The following TMEM108 variants were observed in gnomAD, a reference collection of about 807,000 sequenced individuals.
TMEM108 encodes cancer/testis antigen 124.
In TMEM108, 12 loss-of-function variants were observed where a neutral mutation model predicts 35.1. The ratio of observed to expected loss-of-function variants is 0.34; its 90% CI spans 0.22 to 0.55. The LOEUF is 0.55. Among genes scored for constraint, TMEM108 ranks in the 20% least tolerant of loss-of-function variants. TMEM108 has a pLI of 0.89. For missense variants in TMEM108, 680 were observed against 753.3 expected, an observed-to-expected ratio of 0.90 and a Z score of 1.14; for synonymous variants, 287 against 308.6, an observed-to-expected ratio of 0.93 and a Z score of 0.73.
intron 2 of TMEM108, among the ~76,000 whole-genome samples, chr3:133,194,884 G>A (rs1945554609): frequency 6.6e-6 from 1 of 152,166 alleles, no homozygotes; most frequent in Admixed American, 6.5e-5. Flanking sequence ...TACTGACATA[G>A]TGAGATACAG....
At chr3:133,168,263 A>G (rs1422288910) in intron 2 of TMEM108, among the ~76,000 whole-genome samples, 1 of 152,202 alleles carries the variant, frequency 6.6e-6, no homozygotes, top group African/African-American at 2.4e-5. Context: ...CTGTAACAGA[A>G]TACCACAGAC....
intron 3 of TMEM108, among the ~76,000 whole-genome samples, chr3:133,370,921 T>TGTGTGTGTGTGTGC (rs142623622): frequency 3.6e-5 from 5 of 139,290 alleles, no homozygotes; most frequent in African/African-American, 1.1e-4. Context: ...TGTGTGTGTG[T>TGTGTGTGTGTGTGC]GCCAGGAAGC....
intron 4 of TMEM108, chr3:133,386,665 G>C: frequency 7.1e-7 from 1 of 1,411,474 alleles, no homozygotes; most frequent in Non-Finnish European, 9.2e-7. Flanking sequence ...AGGAGAAACA[G>C]AGCAGTTGAA....
chr3:133,053,797 C>T (rs867420292), intron 2 of TMEM108, among the ~76,000 whole-genome samples: 7 of 152,310 alleles, frequency 4.6e-5, no homozygotes, highest in African/African-American at 7.2e-5. Context: ...TGTGGTTCAG[C>T]ATTTCCATTT....
At chr3:133,361,205 A>C (rs1232054929) in intron 3 of TMEM108, among the ~76,000 whole-genome samples, 1 of 152,238 alleles carries the variant, frequency 6.6e-6, no homozygotes, top group Non-Finnish European at 1.5e-5. Flanking sequence ...GCATTGCGAC[A>C]GACCCACTAG....
chr3:133,098,404 G>A (rs1386195963), intron 2 of TMEM108, among the ~76,000 whole-genome samples: 1 of 152,162 alleles, frequency 6.6e-6, no homozygotes, highest in Non-Finnish European at 1.5e-5. Flanking sequence ...TCAGATGTGG[G>A]TGGGGACACA....
chr3:133,127,321 A>T (rs1286765982), intron 2 of TMEM108, among the ~76,000 whole-genome samples: 1 of 152,222 alleles, frequency 6.6e-6, no homozygotes, highest in Non-Finnish European at 1.5e-5. Flanking sequence ...AGCACTCAGT[A>T]ACCCCCTGTG....
Position 133,379,953 on chromosome 3 carries a change from T to C in TMEM108, c.242T>C (p.Met81Thr), listed in dbSNP as rs2072953681. ...DGPPSQAAAP[M>T]ATPTPRAEGH... The stretch of plus-strand genomic sequence containing the variant: ...CCCCCCTCACAGGCTGCAGCTCCCA[T>C]GGCAACACCGACACCCCGTGCAGAG... The change falls in exon 4 of 6, where the codon ATG becomes ACG. Residue 81 changes from methionine to threonine, a missense_variant. Transcript: ENST00000321871. 6 of 1,613,156 alleles carry C rather than the reference T, an allele frequency of 3.7e-6. No homozygotes were observed. Among genetic ancestry groups the C allele is most frequent in the East Asian group, 2.2e-5 (1 of 44,796 alleles).
intron 3 of TMEM108, among the ~76,000 whole-genome samples, chr3:133,325,338 T>C (rs1161648572): frequency 6.6e-6 from 1 of 152,072 alleles, no homozygotes; most frequent in African/African-American, 2.4e-5. Flanking sequence ...AAAAGGGCAG[T>C]AGGTGGGTGA....
intron 2 of TMEM108, among the ~76,000 whole-genome samples, chr3:133,182,835 T>G (rs1945366624): frequency 6.6e-6 from 1 of 152,342 alleles, no homozygotes; most frequent in Non-Finnish European, 1.5e-5. Context: ...AACTCAGTTT[T>G]TCCTCTCTGG....
chr3:133,046,977 CT>C (rs1301663459), intron 2 of TMEM108, among the ~76,000 whole-genome samples: 2 of 152,148 alleles, frequency 1.3e-5, no homozygotes, highest in East Asian at 3.9e-4. Flanking sequence ...AGGCTGGTAT[CT>C]TTCGGGGCCT....
At chr3:133,183,150 T>C (rs1340087480) in intron 2 of TMEM108, among the ~76,000 whole-genome samples, 2 of 152,188 alleles carry the variant, frequency 1.3e-5, no homozygotes, top group African/African-American at 4.8e-5. Context: ...ATTGCAGGTT[T>C]TAGAGCATTT....
chr3:133,334,694 C>G (rs1257554508), intron 3 of TMEM108, among the ~76,000 whole-genome samples: 2 of 152,170 alleles, frequency 1.3e-5, no homozygotes, highest in African/African-American at 2.4e-5. Context: ...AATGTGGAAA[C>G]TATGACCAGG....
intron 2 of TMEM108, among the ~76,000 whole-genome samples, chr3:133,071,252 G>T (rs1052806402): frequency 6.6e-6 from 1 of 152,062 alleles, no homozygotes; most frequent in Non-Finnish European, 1.5e-5. Context: ...GATTCTAAAG[G>T]CCAGAAGTCC....
intron 2 of TMEM108, among the ~76,000 whole-genome samples, chr3:133,180,288 A>G (rs966768439): frequency 6.6e-6 from 1 of 152,174 alleles, no homozygotes; most frequent in African/African-American, 2.4e-5. Context: ...CATACTGCCA[A>G]CATACTTTTC....
chr3:133,301,896 G>T (rs1477182505), intron 3 of TMEM108, among the ~76,000 whole-genome samples: 1 of 152,076 alleles, frequency 6.6e-6, no homozygotes, highest in Non-Finnish European at 1.5e-5. Flanking sequence ...GTGCAACTCA[G>T]GAAGCCCTCC....
intron 3 of TMEM108, among the ~76,000 whole-genome samples, chr3:133,298,526 A>G (rs182179011): frequency 6.6e-6 from 1 of 152,248 alleles, no homozygotes; most frequent in Admixed American, 6.5e-5. Flanking sequence ...AATCATTTGT[A>G]AAAGCTGTAA....
intron 3 of TMEM108, among the ~76,000 whole-genome samples, chr3:133,313,992 G>A (rs1393105410): frequency 1.3e-5 from 2 of 151,964 alleles, no homozygotes; most frequent in Non-Finnish European, 2.9e-5. Flanking sequence ...TTTCTTATCC[G>A]CTATAATCTA....
At chr3:133,065,925 A>G (rs1243398401) in intron 2 of TMEM108, among the ~76,000 whole-genome samples, 1 of 152,146 alleles carries the variant, frequency 6.6e-6, no homozygotes, top group Non-Finnish European at 1.5e-5. Flanking sequence ...TTCTTCTTTG[A>G]TGGGTAAATA....
Sources: gnomAD v4.1 joint callset for allele counts (sites outside exome capture counted in the v4.1 genomes callset) on GRCh38, gnomAD v4.1.1 for gene constraint, MANE v1.5 for transcripts, NCBI Gene and HGNC (gene_info 2026-07-23, HGNC 2026-07-21) for gene names.